PDE4D: variants seen among roughly 807,000 people sequenced by gnomAD.
PDE4D encodes phosphodiesterase 4D.
Under a neutral mutation model 87.4 loss-of-function variants are expected in PDE4D, and 24 were observed. The ratio of observed to expected loss-of-function variants is 0.27; its 90% CI spans 0.20 to 0.39. The LOEUF (loss-of-function observed/expected upper bound fraction) is 0.39, where lower values mean the gene tolerates loss of function less well. Ranked by LOEUF, PDE4D falls within the 10% of genes least tolerant of loss-of-function variation. PDE4D has a pLI of 1.00. For missense variants in PDE4D, 714 were observed against 1,041.0 expected (o/e 0.69, Z 4.32); for synonymous variants, 384 against 383.2 (o/e 1.00, Z -0.02).
intron 2 of PDE4D, among the ~76,000 whole-genome samples, chr5:60,110,409 A>G (rs533650593): frequency 1.3e-5 from 2 of 152,128 alleles, no homozygotes; most frequent in Non-Finnish European, 2.9e-5. Context: ...CAACAGGTAT[A>G]TGAGAAAATG....
At chr5:60,367,091 C>G (rs1479215944) in intron 1 of PDE4D, among the ~76,000 whole-genome samples, 1 of 152,040 alleles carries the variant, frequency 6.6e-6, no homozygotes, top group East Asian at 1.9e-4. Flanking sequence ...TTTGGAGAAC[C>G]AATTTTTTTT....
intron 2 of PDE4D, among the ~76,000 whole-genome samples, chr5:59,207,550 A>G (rs555562334): frequency 1.3e-5 from 2 of 152,238 alleles, no homozygotes; most frequent in East Asian, 3.9e-4. Flanking sequence ...ATGTGCTCTT[A>G]GAGATTGCAT....
chr5:59,615,940 G>A (rs933100879), intron 1 of PDE4D, among the ~76,000 whole-genome samples: 2 of 151,326 alleles, frequency 1.3e-5, no homozygotes, highest in Non-Finnish European at 2.9e-5. Context: ...AAAAGTAAAC[G>A]TATTTTCCAT....
intron 1 of PDE4D, among the ~76,000 whole-genome samples, chr5:59,714,884 A>G (rs1337772614): frequency 6.6e-6 from 1 of 152,250 alleles, no homozygotes; most frequent in Non-Finnish European, 1.5e-5. Context: ...TAGGCTATTC[A>G]GCAGGCACAA....
intron 1 of PDE4D, among the ~76,000 whole-genome samples, chr5:60,285,745 C>T (rs1583306235): frequency 6.6e-6 from 1 of 152,172 alleles, no homozygotes; most frequent in Non-Finnish European, 1.5e-5. Flanking sequence ...TGACGTGGTG[C>T]CCACAACTTC....
At chr5:59,275,364 A>G in intron 1 of PDE4D, 1 of 1,597,322 alleles carries the variant, frequency 6.3e-7, no homozygotes, top group Non-Finnish European at 8.5e-7. Flanking sequence ...TCCTTAGGGA[A>G]CTTGTAGATC....
chr5:59,018,356 C>G (rs1181689805), intron 6 of PDE4D, among the ~76,000 whole-genome samples: 1 of 152,192 alleles, frequency 6.6e-6, no homozygotes, highest in East Asian at 1.9e-4. Flanking sequence ...CTGTCTGCCT[C>G]TCCTGGATTT....
At chr5:60,281,032 A>C (rs560592610) in intron 1 of PDE4D, among the ~76,000 whole-genome samples, 2 of 152,338 alleles carry the variant, frequency 1.3e-5, no homozygotes, top group South Asian at 2.1e-4. Context: ...GCTTAAGTTC[A>C]TAGGCAGCAT....
intron 3 of PDE4D, among the ~76,000 whole-genome samples, chr5:59,925,995 T>A (rs559948721): frequency 6.6e-6 from 1 of 152,224 alleles, no homozygotes; most frequent in Non-Finnish European, 1.5e-5. Flanking sequence ...TCGGACTTGA[T>A]CAGCATGATA....
At chr5:59,049,460 TG>T (rs1400751729) in intron 5 of PDE4D, among the ~76,000 whole-genome samples, 1 of 152,168 alleles carries the variant, frequency 6.6e-6, no homozygotes, top group Non-Finnish European at 1.5e-5. Context: ...TGCCAAAATT[TG>T]GTAATGGTCA....
intron 1 of PDE4D, among the ~76,000 whole-genome samples, chr5:60,466,602 T>C (rs1339819090): frequency 3.3e-5 from 5 of 152,214 alleles, no homozygotes; most frequent in African/African-American, 1.2e-4. Context: ...AGAAATTTTG[T>C]ATTGAATCTA....
intron 1 of PDE4D, among the ~76,000 whole-genome samples, chr5:59,783,402 A>G (rs75874930): frequency 0.016 from 2,474 of 152,298 alleles, 38 homozygotes; most frequent in Middle Eastern, 0.024. Context: ...ACATCTATAA[A>G]TTAAGGCCAT....
chr5:59,814,074 A>C (rs1768693692), intron 1 of PDE4D, among the ~76,000 whole-genome samples: 1 of 152,204 alleles, frequency 6.6e-6, no homozygotes, highest in Admixed American at 6.5e-5. Context: ...GTAAATAAAT[A>C]TGAGTTAGAG....
rs1471679055 is a variant in PDE4D, at chr5:59,396,330, G to A, written c.456-180362C>T. Among the ~76,000 whole-genome samples the A allele has an allele frequency of 5.1e-5, 5 of 98,056 alleles. 2 individuals are homozygous for A. The highest frequency in any genetic ancestry group is 5.0e-4 in the Admixed American group (5 of 10,032). 64.3% of individuals were successfully genotyped at this position (98,056 alleles called of 152,430 possible). On this transcript the variant is annotated intron_variant, in intron 1 of 14. Transcript: ENST00000340635. ...GGAAAAAATGTTAAGGGCAGCCAGA[G>A]AGAAAGGTCGGGTTACCCTCAAAGG...
chr5:59,863,228 G>A (rs1041959462), intron 1 of PDE4D, among the ~76,000 whole-genome samples: 5 of 152,072 alleles, frequency 3.3e-5, no homozygotes, highest in Non-Finnish European at 7.4e-5. Context: ...TGAGACTCTA[G>A]TGTCTGTCTA....
intron 1 of PDE4D, among the ~76,000 whole-genome samples, chr5:59,612,464 T>C (rs1363499648): frequency 6.6e-6 from 1 of 152,166 alleles, no homozygotes; most frequent in Non-Finnish European, 1.5e-5. Flanking sequence ...ATTCAACAAA[T>C]TTTTATTGAC....
chr5:59,421,851 ACT>A (rs998327849), intron 1 of PDE4D, among the ~76,000 whole-genome samples: 15 of 152,090 alleles, frequency 9.9e-5, no homozygotes, highest in African/African-American at 3.6e-4. Context: ...TTACTTTTGT[ACT>A]CTCAGTTGAA....
intron 2 of PDE4D, among the ~76,000 whole-genome samples, chr5:60,002,845 T>C (rs1255930470): frequency 6.6e-6 from 1 of 152,154 alleles, no homozygotes; most frequent in African/African-American, 2.4e-5. Flanking sequence ...AACTGAAAGC[T>C]GCTTCTCTAA....
In PDE4D at chr5:59,485,964, T is replaced by C. The variant is rs73760622; in HGVS notation, c.456-269996A>G. Among the ~76,000 whole-genome samples, 1,152 of 152,218 alleles carry C rather than the reference T, an allele frequency of 7.6e-3. 16 individuals carry two copies. The highest frequency in any genetic ancestry group is 0.025 in the African/African-American group (1,046 of 41,548). Reference sequence around the variant, plus strand: ...ATACCATCAAAGCTACTTTGAAATATTGGGAAAAGGGTTTAAGCTTTTTTT... The same window carrying C: ...ATACCATCAAAGCTACTTTGAAATACTGGGAAAAGGGTTTAAGCTTTTTTT... On this transcript the variant is annotated intron_variant, in intron 1 of 14. Transcript: ENST00000340635.
Sources: gnomAD v4.1 joint callset for allele counts (sites outside exome capture counted in the v4.1 genomes callset) on GRCh38, gnomAD v4.1.1 for gene constraint, MANE v1.5 for transcripts, NCBI Gene and HGNC (gene_info 2026-07-23, HGNC 2026-07-21) for gene names.